Variants in CDH7 observed in about 807,000 individuals in gnomAD.
The protein encoded by CDH7 is cadherin-7.
In CDH7, 25 loss-of-function variants were observed where a neutral mutation model predicts 71.8. That is an observed-to-expected ratio of 0.35 (90% confidence interval 0.25 to 0.49). The LOEUF (loss-of-function observed/expected upper bound fraction) is 0.49, where lower values mean the gene tolerates loss of function less well. Ranked by LOEUF, CDH7 falls within the 20% of genes least tolerant of loss-of-function variation. CDH7 has a pLI of 0.99. For missense variants in CDH7, 862 were observed against 974.6 expected, an observed-to-expected ratio of 0.88 and a Z score of 1.54; for synonymous variants, 381 against 363.8, an observed-to-expected ratio of 1.05 and a Z score of -0.54.
At chr18:65,874,500 A>T (rs1346723996) in intron 11 of CDH7, among the ~76,000 whole-genome samples, 2 of 152,110 alleles carry the variant, frequency 1.3e-5, no homozygotes, top group Admixed American at 6.5e-5. Context: ...GTGGAATAAT[A>T]GACGTTGGAA....
Position 65,887,252 on chromosome 18 carries a change from GAACA to G in CDH7, c.*6360_*6363del. The G allele has an allele frequency of 6.6e-6, 1 of 152,044 alleles. No individual in the cohort carries two copies. Among genetic ancestry groups the G allele is most frequent in the East Asian group, 1.9e-4 (1 of 5,172 alleles). The allele number at this position is 152,044 out of a possible 1,614,324, so 9.4% of individuals were successfully genotyped here. A position where few individuals can be genotyped will look rare whatever the true frequency, so the allele number is the denominator to read the frequency against. The stretch of plus-strand genomic sequence containing the variant: ...ATACTGTATATGACCAATACTTTAA[GAACA>G]ATCAAGTTTTTTTATTATTATTATT... On this transcript the variant is annotated 3_prime_UTR_variant, in exon 12 of 12. Coordinates refer to ENST00000397968, the MANE Select transcript of CDH7 (RefSeq NM_004361.5).
At chr18:65,852,397 A>G (rs1254520457) in intron 7 of CDH7, among the ~76,000 whole-genome samples, 1 of 152,156 alleles carries the variant, frequency 6.6e-6, no homozygotes, top group Non-Finnish European at 1.5e-5. Context: ...TGACATACTA[A>G]TGAGAAGTCT....
At chr18:65,816,002 T>C (rs1280671751) in intron 4 of CDH7, among the ~76,000 whole-genome samples, 1 of 152,198 alleles carries the variant, frequency 6.6e-6, no homozygotes, top group East Asian at 1.9e-4. Flanking sequence ...TACTAATGAT[T>C]GGCTTATGAT....
intron 6 of CDH7, among the ~76,000 whole-genome samples, chr18:65,836,887 A>T (rs189696809): frequency 1.4e-4 from 22 of 152,190 alleles, no homozygotes; most frequent in Non-Finnish European, 2.6e-4. Flanking sequence ...GATTTGTAAG[A>T]TTAATAAAGT....
intron 4 of CDH7, among the ~76,000 whole-genome samples, chr18:65,819,258 G>T (rs1031956036): frequency 1.3e-5 from 2 of 152,050 alleles, no homozygotes; most frequent in African/African-American, 4.8e-5. Context: ...CCCACTCCTC[G>T]ATTTGCATGT....
intron 4 of CDH7, among the ~76,000 whole-genome samples, chr18:65,818,216 T>C (rs1272749161): frequency 6.6e-5 from 10 of 152,232 alleles, no homozygotes; most frequent in African/African-American, 1.9e-4. Flanking sequence ...ATTTCATTTC[T>C]AATTTACTTT....
chr18:65,847,177 A>G (rs911309521), intron 7 of CDH7, among the ~76,000 whole-genome samples: 1 of 152,200 alleles, frequency 6.6e-6, no homozygotes, highest in Admixed American at 6.6e-5. Context: ...GGATGAATAA[A>G]TAGCAGTCTT....
intron 10 of CDH7, among the ~76,000 whole-genome samples, chr18:65,861,416 T>TTTTAGAG (rs563556037): frequency 6.6e-6 from 1 of 151,846 alleles, no homozygotes; most frequent in African/African-American, 2.4e-5. Flanking sequence ...AAACTTTTTG[T>TTTTAGAG]ATCAAGTCAT....
At chr18:65,840,231 C>G (rs1211708558) in intron 6 of CDH7, among the ~76,000 whole-genome samples, 1 of 152,078 alleles carries the variant, frequency 6.6e-6, no homozygotes, top group Non-Finnish European at 1.5e-5. Context: ...ACTTTGGAAA[C>G]TAATACACCA....
chr18:65,752,825 C>T (rs1432891744), intron 1 of CDH7, among the ~76,000 whole-genome samples: 1 of 152,166 alleles, frequency 6.6e-6, no homozygotes, highest in Non-Finnish European at 1.5e-5. Flanking sequence ...CACAGACCAT[C>T]ACCCTGCTAA....
At chr18:65,855,190 A>G (rs2144021914) in intron 7 of CDH7, among the ~76,000 whole-genome samples, 1 of 152,212 alleles carries the variant, frequency 6.6e-6, no homozygotes, top group Admixed American at 6.5e-5. Flanking sequence ...TTAGAAAAAC[A>G]TTAGTAGAAT....
rs1479969966 is a variant in CDH7 at position 65,800,917 on chromosome 18, C to T, written c.211-8787C>T. Reference sequence around the variant, plus strand: ...CCTCCCCTTCATTGTGAAACTAACTCTTAGGAGCATCCTTTTTGTCCCAAC... The same window carrying T: ...CCTCCCCTTCATTGTGAAACTAACTTTTAGGAGCATCCTTTTTGTCCCAAC... On this transcript the variant is annotated intron_variant, in intron 2 of 11. Coordinates refer to ENST00000397968, the MANE Select transcript of CDH7 (RefSeq NM_004361.5). Among the ~76,000 whole-genome samples the T allele has an allele frequency of 4.6e-5, 7 of 152,216 alleles. No individual in the cohort carries two copies. In the East Asian group the frequency reaches 1.4e-3, roughly 29 times the overall value.
rs939525531 is a variant in CDH7 at position 65,883,943 on chromosome 18, A to G, written c.*3049A>G. 5 of 152,144 alleles carry G rather than the reference A, an allele frequency of 3.3e-5. No individual in the cohort carries two copies. Among genetic ancestry groups the G allele is most frequent in the African/African-American group, 1.2e-4 (5 of 41,444 alleles). 9.4% of individuals were successfully genotyped at this position (152,144 alleles called of 1,614,324 possible). On this transcript the variant is annotated 3_prime_UTR_variant, in exon 12 of 12. Coordinates refer to ENST00000397968, the MANE Select transcript of CDH7 (RefSeq NM_004361.5). ...TTATGGAAAACAATGGCTAAATTTC[A>G]AGTAGAGATAATAGTTCAGGAAGTC...
intron 2 of CDH7, among the ~76,000 whole-genome samples, chr18:65,802,115 A>G (rs1477302697): frequency 1.3e-5 from 2 of 152,172 alleles, no homozygotes; most frequent in Non-Finnish European, 2.9e-5. Context: ...TTTGCCTAGA[A>G]GCATTCAAAA....
chr18:65,876,233 C>A (rs1177150820), intron 11 of CDH7, among the ~76,000 whole-genome samples: 2 of 152,116 alleles, frequency 1.3e-5, no homozygotes, highest in Non-Finnish European at 2.9e-5. Flanking sequence ...TGCTAGAATG[C>A]TCAGAAAATG....
Position 65,762,981 on chromosome 18 carries a change from CG to C in CDH7, c.140del (p.Arg47ProfsTer22). ...YFQSGRSRTK[R>X]SWVWNQFFVL... ...CCAATCAGGGAGGTCCCGGACCAAG[CG>C]CAGCTGGGTGTGGAATCAGTTCTTT... is the stretch of plus-strand genomic sequence containing the variant. On this transcript the variant is annotated frameshift_variant, in exon 2 of 12. Coordinates refer to ENST00000397968, the MANE Select transcript of CDH7 (RefSeq NM_004361.5). LOFTEE classifies it high-confidence loss of function. 1 of 1,613,570 alleles carries C rather than the reference CG, an allele frequency of 6.2e-7. No individual in the cohort carries two copies. The highest frequency in any genetic ancestry group is 8.5e-7 in the Non-Finnish European group (1 of 1,179,792).
At position 65,849,941 on chromosome 18, in the gene CDH7, A is replaced by G. The variant is rs548581843; in HGVS notation, c.1235+5876A>G. On this transcript the variant is annotated intron_variant, in intron 7 of 11. Coordinates refer to ENST00000397968, the MANE Select transcript of CDH7 (RefSeq NM_004361.5). Reference sequence around the variant, plus strand: ...CATTTTGGGAGGCCGAGATGGGTGGATCATTTTAGGCCAGGAATTCGAGAC... The same window carrying G: ...CATTTTGGGAGGCCGAGATGGGTGGGTCATTTTAGGCCAGGAATTCGAGAC... Among the ~76,000 whole-genome samples the G allele has an allele frequency of 7.9e-5, 12 of 151,910 alleles. No individual in the cohort carries two copies. The South Asian group carries it at 2.5e-3, about 32-fold the overall frequency.
At chr18:65,810,829 G>A (rs1268787832) in intron 3 of CDH7, among the ~76,000 whole-genome samples, 5 of 152,052 alleles carry the variant, frequency 3.3e-5, no homozygotes, top group Admixed American at 1.3e-4. Context: ...TTATAGCAAC[G>A]GTAAGGAGTT....
At chr18:65,801,080 G>A (rs996836086) in intron 2 of CDH7, among the ~76,000 whole-genome samples, 7 of 152,242 alleles carry the variant, frequency 4.6e-5, no homozygotes, top group Non-Finnish European at 2.9e-5. Context: ...TACACTGATA[G>A]CATACCCCAC....
Sources: gnomAD v4.1 joint callset for allele counts (sites outside exome capture counted in the v4.1 genomes callset) on GRCh38, gnomAD v4.1.1 for gene constraint, MANE v1.5 for transcripts, NCBI Gene and HGNC (gene_info 2026-07-23, HGNC 2026-07-21) for gene names.